The following GALNT8 variants were observed in gnomAD, a reference collection of about 807,000 sequenced individuals.
GALNT8 encodes probable polypeptide N-acetylgalactosaminyltransferase 8.
In GALNT8, 66 loss-of-function variants were observed where a neutral mutation model predicts 62.7. That is an observed-to-expected ratio of 1.05 (90% confidence interval 0.86 to 1.29). GALNT8 has a LOEUF of 1.29. Ranked by LOEUF, GALNT8 falls within the 50% of genes most tolerant of loss-of-function variation. The pLI is 0.00. For synonymous variants in GALNT8, 288 were observed against 294.3 expected (o/e 0.98, Z 0.22); for missense variants, 771 against 791.8 (o/e 0.97, Z 0.32).
chr12:4,729,191 T>C (rs11063318), intron 2 of GALNT8, among the ~76,000 whole-genome samples: 55,420 of 152,022 alleles, frequency 0.36, 10,597 homozygotes, highest in Admixed American at 0.43. Context: ...ATGTACAATA[T>C]GATGTTTTGA....
rs530886644 is a variant in GALNT8, at chr12:4,735,380, T to C, written c.510-3783T>C. Among the ~76,000 whole-genome samples, 7 of 149,370 alleles carry C rather than the reference T, an allele frequency of 4.7e-5. No individual in the cohort carries two copies. In the East Asian group the frequency reaches 1.0e-3, roughly 22 times the overall value. On this transcript the variant is annotated intron_variant, in intron 2 of 10. Transcript: ENST00000252318. ...CCTACCCACCGTCAGCACTGTCTTA[T>C]GGAAACTTCTCAAGGTTATCTGCTC...
At chr12:4,760,833 G>C in intron 6 of GALNT8, 125 bp from the exon 7 acceptor site, 2 of 714,392 alleles carry the variant, frequency 2.8e-6, no homozygotes, top group Non-Finnish European at 4.9e-6. Flanking sequence ...CAATATAAAG[G>C]CAGGAGTGGG....
In GALNT8 at chr12:4,726,671, A is replaced by T. The variant is rs1946197108; in HGVS notation, c.351A>T (p.Lys117Asn). The change falls in exon 2 of 11, where the codon AAA becomes AAT. Residue 117 changes from lysine to asparagine, a missense_variant. Coordinates refer to ENST00000252318, the MANE Select transcript of GALNT8 (RefSeq NM_017417.2). This position sits in a 1 kb window ranked among gnomAD's most constrained non-coding sequence, Gnocchi z 4.1. Reference sequence around the variant, plus strand: ...CAAAGAAGCACAAAACCCAAATGAAACTCTTCCCACACTCACAGCTTTTCA... The same window carrying T: ...CAAAGAAGCACAAAACCCAAATGAATCTCTTCCCACACTCACAGCTTTTCA... Reference protein sequence around the residue: ...NETKKHKTQMKLFPHSQLFRQ... With the variant: ...NETKKHKTQMNLFPHSQLFRQ... 4.3e-6 allele frequency: 7 copies of T among 1,613,330 alleles called. No homozygotes were observed. The highest frequency in any genetic ancestry group is 5.1e-6 in the Non-Finnish European group (6 of 1,179,830).
At chr12:4,761,674 C>T (rs1946373558) in intron 7 of GALNT8, among the ~76,000 whole-genome samples, 1 of 152,146 alleles carries the variant, frequency 6.6e-6, no homozygotes, top group African/African-American at 2.4e-5. Flanking sequence ...TCTGGAACTC[C>T]TGGCCTCCCA....
In GALNT8 at chr12:4,772,513, C is replaced by T. The variant is rs369641548; in HGVS notation, c.1830C>T (p.His610=). 30 of 1,613,646 alleles carry T rather than the reference C, an allele frequency of 1.9e-5. No individual in the cohort carries two copies. The African/African-American group carries it at 2.9e-4, about 16-fold the overall frequency. Residue 610 remains histidine, a synonymous_variant, in exon 11 of 11, where the codon CAC becomes CAT. Transcript: ENST00000252318. ...TGAAGAAGGATCTTTTGGGTAGCCA[C>T]GTGCTTGTGCTCCAGACCTGTAGCA... ...LEMKKDLLGS[H]VLVLQTCSTQ... is the part of the protein sequence containing the mutation.
Position 4,739,177 on chromosome 12 carries a change from C to T in GALNT8, c.524C>T (p.Thr175Ile). ...DTRDYRCLRKTYPSQLPSLSV... is the reference protein window; with the variant it reads ...DTRDYRCLRKIYPSQLPSLSV... Reference sequence around the variant, plus strand: ...GTCTCTTATAGATGTCTTCGGAAGACATATCCTTCCCAACTCCCATCCCTC... The same window carrying T: ...GTCTCTTATAGATGTCTTCGGAAGATATATCCTTCCCAACTCCCATCCCTC... The change falls in exon 3 of 11, where the codon ACA becomes ATA. Residue 175 changes from threonine to isoleucine, a missense_variant. Physicochemically the swap from Thr to Ile is moderately conservative, Grantham distance 89. Transcript: ENST00000252318. 1 of 1,609,428 alleles carries T rather than the reference C, an allele frequency of 6.2e-7. No individual in the cohort carries two copies. The highest frequency in any genetic ancestry group is 1.1e-5 in the South Asian group (1 of 90,774).
At chr12:4,723,662 G>A (rs538561666) in intron 1 of GALNT8, among the ~76,000 whole-genome samples, 3 of 151,256 alleles carry the variant, frequency 2.0e-5, no homozygotes, top group African/African-American at 4.9e-5. Context: ...CATTTTATTC[G>A]CTCTGAAATG....
intron 6 of GALNT8, among the ~76,000 whole-genome samples, chr12:4,746,481 G>A (rs1184898185): frequency 6.6e-6 from 1 of 152,118 alleles, no homozygotes; most frequent in Admixed American, 6.5e-5. Context: ...GTGGGAAGGG[G>A]TCAAGTTGGG....
chr12:4,738,359 G>A (rs1224896486), intron 2 of GALNT8, among the ~76,000 whole-genome samples: 3 of 152,166 alleles, frequency 2.0e-5, no homozygotes, highest in Non-Finnish European at 4.4e-5. Flanking sequence ...GATAGGGGTT[G>A]GCAAGAGTTT....
chr12:4,767,270 C>T (rs970920607), intron 10 of GALNT8, among the ~76,000 whole-genome samples: 1 of 152,170 alleles, frequency 6.6e-6, no homozygotes, highest in African/African-American at 2.4e-5. Context: ...CAATTGTCTG[C>T]TCACTTTTTT....
Position 4,724,148 on chromosome 12 carries a change from CAAAAAAAAA to C in GALNT8, c.212-2365_212-2357del, listed in dbSNP as rs11456593. On this transcript the variant is annotated intron_variant, in intron 1 of 10. Transcript: ENST00000252318. ...CGGGTGACAGAGCGAGACTCCGTCT[CAAAAAAAAA>C]AAAAAAAAAAAAAAAAAATCAGAAG... is the stretch of plus-strand genomic sequence containing the variant. 3.4e-3 allele frequency among the ~76,000 whole-genome samples: 165 copies of C among 48,114 alleles called. 1 individual carries two copies. The highest frequency in any genetic ancestry group is 0.015 in the African/African-American group (157 of 10,824). 31.6% of individuals were successfully genotyped at this position (48,114 alleles called of 152,430 possible).
At chr12:4,763,483 C>A in intron 8 of GALNT8, 93 bp downstream of exon 8, 1 of 1,022,732 alleles carries the variant, frequency 9.8e-7, no homozygotes, top group Non-Finnish European at 1.5e-6. Context: ...CTGCCCAAGA[C>A]GCCCTTCCTA....
chr12:4,752,330 GTTTC>G (rs966521602), intron 6 of GALNT8, among the ~76,000 whole-genome samples: 1 of 151,456 alleles, frequency 6.6e-6, no homozygotes, highest in Non-Finnish European at 1.5e-5. Context: ...TTTCTTTCTT[GTTTC>G]TTCTCTTTCC....
At chr12:4,730,295 A>G (rs1380416203) in intron 2 of GALNT8, among the ~76,000 whole-genome samples, 2 of 152,154 alleles carry the variant, frequency 1.3e-5, no homozygotes, top group Non-Finnish European at 2.9e-5. Flanking sequence ...GCCCAAACCA[A>G]TGTCCTGGAA....
intron 3 of GALNT8, among the ~76,000 whole-genome samples, chr12:4,742,605 G>C (rs1483340897): frequency 6.6e-6 from 1 of 152,196 alleles, no homozygotes; most frequent in Non-Finnish European, 1.5e-5. Context: ...AGAAAGCACG[G>C]TGTGGGGGTG....
intron 6 of GALNT8, among the ~76,000 whole-genome samples, chr12:4,753,799 C>T (rs1291953469): frequency 6.6e-6 from 1 of 152,132 alleles, no homozygotes; most frequent in African/African-American, 2.4e-5. Flanking sequence ...GTAGTCTTTA[C>T]TGTCTAGGCT....
intron 9 of GALNT8, among the ~76,000 whole-genome samples, chr12:4,764,941 C>T (rs952578451): frequency 2.6e-5 from 4 of 151,324 alleles, no homozygotes; most frequent in African/African-American, 9.7e-5. Flanking sequence ...GAGGCATGCA[C>T]AATAGATATC....
At chr12:4,758,631 TGTGTGTGAGAGAGAGAGAGAGA>T (rs766009241) in intron 6 of GALNT8, among the ~76,000 whole-genome samples, 2 of 93,004 alleles carry the variant, frequency 2.2e-5, no homozygotes, top group Non-Finnish European at 4.6e-5. Flanking sequence ...TGTGTGTGTG[TGTGTGTGAGAGAGAGAGAGAGA>T]GAGAGAGAGA....
At chr12:4,767,861 G>A (rs534857742) in intron 10 of GALNT8, among the ~76,000 whole-genome samples, 2 of 152,258 alleles carry the variant, frequency 1.3e-5, no homozygotes, top group African/African-American at 4.8e-5. Context: ...AAAGCATTTA[G>A]CATGGTACTC....
Sources: allele counts gnomAD v4.1 joint callset (sites outside exome capture counted in the v4.1 genomes callset), GRCh38; gene constraint gnomAD v4.1.1; non-coding constraint Gnocchi (gnomAD v3.1); transcripts MANE v1.5; gene names NCBI Gene and HGNC (gene_info 2026-07-23, HGNC 2026-07-21).